The following DTNA variants were observed in gnomAD, a reference collection of about 807,000 sequenced individuals.
The protein encoded by DTNA is dystrobrevin alpha.
Under a neutral mutation model 100.7 loss-of-function variants are expected in DTNA, and 43 were observed. That is an observed-to-expected ratio of 0.43 (90% CI 0.33 to 0.55). The LOEUF is 0.55. Among genes scored for constraint, DTNA ranks in the 20% least tolerant of loss-of-function variants. DTNA has a pLI of 0.04. For missense variants in DTNA, 798 were observed against 953.9 expected (o/e 0.84, Z 2.15); for synonymous variants, 349 against 347.9 (o/e 1.00, Z -0.04).
chr18:34,579,946 A>G (rs2048461662), intron 1 of DTNA, among the ~76,000 whole-genome samples: 1 of 152,078 alleles, frequency 6.6e-6, no homozygotes, highest in Non-Finnish European at 1.5e-5. Context: ...CTCCAATTAC[A>G]AATATCTTAG....
chr18:34,664,682 A>G (rs971920962), intron 1 of DTNA, among the ~76,000 whole-genome samples: 31 of 152,208 alleles, frequency 2.0e-4, no homozygotes, highest in African/African-American at 7.0e-4. Context: ...TCACAGAGAC[A>G]CAAGGACAAG....
chr18:34,642,304 C>T (rs568975365), intron 1 of DTNA, among the ~76,000 whole-genome samples: 8 of 152,264 alleles, frequency 5.3e-5, no homozygotes, highest in African/African-American at 1.9e-4. Flanking sequence ...AGCTGGGTGT[C>T]TCTGAGAAAC....
intron 1 of DTNA, among the ~76,000 whole-genome samples, chr18:34,517,904 A>G (rs1024787969): frequency 3.9e-5 from 6 of 152,148 alleles, no homozygotes; most frequent in Non-Finnish European, 5.9e-5. Context: ...TAAATATGCT[A>G]TGAACATCTG....
chr18:34,604,036 T>A (rs1441569408), intron 1 of DTNA, among the ~76,000 whole-genome samples: 2 of 152,202 alleles, frequency 1.3e-5, no homozygotes, highest in Non-Finnish European at 2.9e-5. Flanking sequence ...TTCCTAAATA[T>A]GTGTTATAGT....
intron 1 of DTNA, among the ~76,000 whole-genome samples, chr18:34,621,753 A>T (rs952240653): frequency 6.6e-6 from 1 of 152,238 alleles, no homozygotes; most frequent in African/African-American, 2.4e-5. Flanking sequence ...ATTGTACAAC[A>T]TAGTGACTAT....
In DTNA at chr18:34,848,331, A is replaced by G; in HGVS notation, c.1382A>G (p.His461Arg). The change falls in exon 14 of 23, where the codon CAC becomes CGC. Residue 461 changes from histidine to arginine, a missense_variant. Around this residue, in one of 6 missense-constraint regions of DTNA, gnomAD observed 159 missense variants for 201.2 expected, o/e 0.79. Transcript: ENST00000444659. ...LESSNRLDEE[H>R]RLIARYAARL... The stretch of plus-strand genomic sequence containing the variant: ...AGTTCAAACCGGCTTGATGAAGAAC[A>G]CAGGCTAATTGCCAGGTATGCGGCA... 2 of 1,614,076 alleles carry G rather than the reference A, an allele frequency of 1.2e-6. No individual in the cohort carries two copies. The highest frequency in any genetic ancestry group is 1.7e-6 in the Non-Finnish European group (2 of 1,179,954).
chr18:34,787,527 T>C (rs1568520671), intron 3 of DTNA, among the ~76,000 whole-genome samples: 1 of 152,232 alleles, frequency 6.6e-6, no homozygotes, highest in Non-Finnish European at 1.5e-5. Flanking sequence ...ATCTAACTTA[T>C]ATGATTCTAC....
chr18:34,689,783 G>A (rs1372408793), intron 1 of DTNA, among the ~76,000 whole-genome samples: 5 of 152,202 alleles, frequency 3.3e-5, no homozygotes, highest in Non-Finnish European at 4.4e-5. Context: ...CCAGGGAGAT[G>A]GGAGTTTTAT....
rs188666833 is a variant in DTNA, at chr18:34,547,657, C to A, written c.-2+54143C>A. Among the ~76,000 whole-genome samples, 133 of 152,230 alleles carry A rather than the reference C, an allele frequency of 8.7e-4. 1 individual carries two copies. The highest frequency in any genetic ancestry group is 8.2e-4 in the Non-Finnish European group (56 of 68,008). The stretch of plus-strand genomic sequence containing the variant: ...GTTATCCTTGAGTGAATTGGCTTCA[C>A]TTTTTCTTTGTCACAGAACAAACCT... On this transcript the variant is annotated intron_variant, in intron 1 of 19. Coordinates refer to the DTNA transcript ENST00000283365.
At position 34,678,583 on chromosome 18, in the gene DTNA, T is replaced by C. The variant is rs147789600; in HGVS notation, c.-1-77393T>C. 1.7e-3 allele frequency among the ~76,000 whole-genome samples: 260 copies of C among 152,238 alleles called. 2 individuals carry two copies. Among genetic ancestry groups the C allele is most frequent in the African/African-American group, 6.0e-3 (251 of 41,546 alleles). ...TTCAAATTTTTGCTGCTTCAAGCCA[T>C]CTGGCACCTGGGATAGTAACACGCA... is the stretch of plus-strand genomic sequence containing the variant. On this transcript the variant is annotated intron_variant, in intron 1 of 19. Coordinates refer to the DTNA transcript ENST00000283365.
At chr18:34,592,475 C>T (rs957273773) in intron 1 of DTNA, among the ~76,000 whole-genome samples, 15 of 147,886 alleles carry the variant, frequency 1.0e-4, no homozygotes, top group Non-Finnish European at 1.7e-4. Flanking sequence ...ATAACACACA[C>T]ACACACACAC....
chr18:34,656,117 G>A (rs755220592), intron 1 of DTNA, among the ~76,000 whole-genome samples: 47 of 152,174 alleles, frequency 3.1e-4, no homozygotes, highest in Non-Finnish European at 6.2e-4. Context: ...TGCATTACAG[G>A]ATGGTTTATA....
intron 21 of DTNA, among the ~76,000 whole-genome samples, chr18:34,883,559 C>T (rs757360493): frequency 6.6e-6 from 1 of 152,018 alleles, no homozygotes; most frequent in Non-Finnish European, 1.5e-5. Flanking sequence ...ATCCTCCCAC[C>T]CCGGCCTCCC....
At chr18:34,713,526 G>T (rs1319443499) in intron 1 of DTNA, among the ~76,000 whole-genome samples, 1 of 151,738 alleles carries the variant, frequency 6.6e-6, no homozygotes, top group Admixed American at 6.6e-5. Context: ...TGCTGTTTTG[G>T]TTACTGTAGC....
intron 1 of DTNA, among the ~76,000 whole-genome samples, chr18:34,713,938 G>C (rs917264259): frequency 2.0e-5 from 3 of 152,156 alleles, no homozygotes; most frequent in Non-Finnish European, 4.4e-5. Flanking sequence ...TGGTGTATAA[G>C]AATGCTGATC....
At chr18:34,851,771 T>A in intron 14 of DTNA, 60 bp from the exon 15 acceptor site, 1 of 1,562,610 alleles carries the variant, frequency 6.4e-7, no homozygotes. Flanking sequence ...GACTCCTGCC[T>A]TCCCAAATAC....
intron 1 of DTNA, among the ~76,000 whole-genome samples, chr18:34,729,391 G>C (rs1188168315): frequency 6.6e-6 from 1 of 152,156 alleles, no homozygotes; most frequent in African/African-American, 2.4e-5. Context: ...AAGAGACAGA[G>C]AGAGACATTC....
chr18:34,841,416 A>T (rs2096266115), intron 13 of DTNA, among the ~76,000 whole-genome samples: 1 of 152,138 alleles, frequency 6.6e-6, no homozygotes, highest in Admixed American at 6.6e-5. Flanking sequence ...GTGATTCTTA[A>T]CAAGTTACCT....
rs80200341 is a variant in DTNA, at chr18:34,886,943, G to A, written c.*32-823G>A. Among the ~76,000 whole-genome samples the A allele has an allele frequency of 3.5e-4, 54 of 152,266 alleles. 1 individual carries two copies. In the East Asian group the frequency reaches 9.5e-3, roughly 27 times the overall value. On this transcript the variant is annotated intron_variant, in intron 22 of 22. Coordinates refer to ENST00000444659, the MANE Select transcript of DTNA (RefSeq NM_001386795.1). ...CAGTTTATTTCATTAAAATATTTTT[G>A]TTTAGACTTTCTGGCTGTACTGCAA...
Sources: gnomAD v4.1 joint callset for allele counts (sites outside exome capture counted in the v4.1 genomes callset) on GRCh38, gnomAD v4.1.1 for gene constraint, gnomAD v4.1.1 regional missense constraint, MANE v1.5 for transcripts, NCBI Gene and HGNC (gene_info 2026-07-23, HGNC 2026-07-21) for gene names.